ESR2: variants seen among roughly 807,000 people sequenced by gnomAD.
ESR2 encodes estrogen receptor 2.
Under a neutral mutation model 49.6 loss-of-function variants are expected in ESR2, and 36 were observed. The ratio of observed to expected loss-of-function variants is 0.73; its 90% confidence interval spans 0.56 to 0.96. ESR2 has a LOEUF of 0.96. Among genes scored for constraint, ESR2 ranks in the 40% least tolerant of loss-of-function variants. The pLI is 0.00. For synonymous variants in ESR2, 320 were observed against 266.1 expected, an observed-to-expected ratio of 1.20 and a Z score of -1.97; for missense variants, 714 against 693.0, an observed-to-expected ratio of 1.03 and a Z score of -0.34.
intron 3 of ESR2, among the ~76,000 whole-genome samples, chr14:64,273,144 T>C (rs1430532632): frequency 6.6e-6 from 1 of 152,160 alleles, no homozygotes; most frequent in Non-Finnish European, 1.5e-5. Flanking sequence ...TTTTTTCAGA[T>C]TGTTTGCTGT....
rs2098724604 is a variant in ESR2 at position 64,228,693 on chromosome 14, CG to C, written c.*4443del. Among the ~76,000 whole-genome samples, 1 of 152,160 alleles carries C rather than the reference CG, an allele frequency of 6.6e-6. No individual in the cohort carries two copies. The highest frequency in any genetic ancestry group is 2.1e-4 in the South Asian group (1 of 4,828). On this transcript the variant is annotated 3_prime_UTR_variant, in exon 9 of 9. Coordinates refer to ENST00000341099, the MANE Select transcript of ESR2 (RefSeq NM_001437.3). Reference sequence around the variant, plus strand: ...TTGTACAGTTAACAGGAACTGTTCGCGGCTGGTATCACCACTCCTTATGTGC... The same window carrying C: ...TTGTACAGTTAACAGGAACTGTTCGCGCTGGTATCACCACTCCTTATGTGC...
chr14:64,318,363 C>G (rs774945169), intron 1 of ESR2, among the ~76,000 whole-genome samples: 1 of 151,010 alleles, frequency 6.6e-6, no homozygotes, highest in African/African-American at 2.4e-5. Context: ...ATAGTAAAAC[C>G]CTGTCTCTAC....
At chr14:64,242,146 A>G (rs774169500) in intron 7 of ESR2, among the ~76,000 whole-genome samples, 8 of 152,180 alleles carry the variant, frequency 5.3e-5, no homozygotes, top group Non-Finnish European at 8.8e-5. Context: ...GCAGTGGCTC[A>G]CACCTGTAAT....
At chr14:64,274,304 G>T (rs1410024051) in intron 3 of ESR2, among the ~76,000 whole-genome samples, 1 of 151,990 alleles carries the variant, frequency 6.6e-6, no homozygotes, top group African/African-American at 2.4e-5. Context: ...GGTATGTTCA[G>T]GTTTCGGATT....
rs918353254 is a variant in ESR2 at position 64,231,215 on chromosome 14, G to T, written c.*1922C>A. On this transcript the variant is annotated 3_prime_UTR_variant, in exon 9 of 9. Transcript: ENST00000341099. ...TGGTTTTTTATGTTTTTGTTACCTG[G>T]TAATCTCTTTTAAAAATACATTTAA... 5 of 152,048 alleles carry T rather than the reference G, an allele frequency of 3.3e-5. No individual in the cohort carries two copies. Among genetic ancestry groups the T allele is most frequent in the Non-Finnish European group, 5.9e-5 (4 of 68,026 alleles). 9.4% of individuals were successfully genotyped at this position (152,048 alleles called of 1,614,324 possible).
chr14:64,263,487 T>A (rs1038788874), intron 4 of ESR2, among the ~76,000 whole-genome samples: 1 of 151,928 alleles, frequency 6.6e-6, no homozygotes, highest in Admixed American at 6.6e-5. Flanking sequence ...AAAAACCCCA[T>A]CTCTACTACA....
chr14:64,314,511 A>G (rs1455813312), intron 1 of ESR2, among the ~76,000 whole-genome samples: 1 of 151,718 alleles, frequency 6.6e-6, no homozygotes, highest in Admixed American at 6.6e-5. Context: ...AAAAATAAGA[A>G]CAAAATTGAT....
At chr14:64,335,341 C>G (rs1220328858) in intron 1 of ESR2, among the ~76,000 whole-genome samples, 1 of 152,124 alleles carries the variant, frequency 6.6e-6, no homozygotes, top group East Asian at 1.9e-4. Context: ...GCTGCTATAA[C>G]AAAATATTAA....
chr14:64,257,069 C>T (rs948762420), intron 6 of ESR2, among the ~76,000 whole-genome samples, 157 bp downstream of exon 6: 1 of 152,194 alleles, frequency 6.6e-6, no homozygotes, highest in African/African-American at 2.4e-5. Flanking sequence ...CAACTCTCTC[C>T]TTCTCTGGTT....
At chr14:64,315,017 C>T (rs1034546082) in intron 1 of ESR2, among the ~76,000 whole-genome samples, 3 of 150,834 alleles carry the variant, frequency 2.0e-5, no homozygotes, top group African/African-American at 4.9e-5. Flanking sequence ...GAGGCCAAGG[C>T]GGGCAGATCT....
chr14:64,235,263 C>G, intron 7 of ESR2, 113 bp from the exon 8 acceptor site: 1 of 1,080,362 alleles, frequency 9.3e-7, no homozygotes, highest in Admixed American at 2.2e-5. Flanking sequence ...TTGACAGCTG[C>G]ATGTGTGGCA....
intron 2 of ESR2, among the ~76,000 whole-genome samples, chr14:64,282,344 C>CA (rs1303560622): frequency 1.3e-5 from 2 of 151,374 alleles, no homozygotes; most frequent in Admixed American, 1.3e-4. Flanking sequence ...GACCCTGTCT[C>CA]AAAAAAAGAA....
chr14:64,305,491 A>G (rs1015692809), intron 1 of ESR2, among the ~76,000 whole-genome samples: 3 of 151,382 alleles, frequency 2.0e-5, no homozygotes, highest in Non-Finnish European at 4.4e-5. Context: ...TAACACAGTG[A>G]AACCCCATCT....
chr14:64,331,822 CAAAAAAAAAA>C (rs368932180), intron 1 of ESR2, among the ~76,000 whole-genome samples: 3 of 52,418 alleles, frequency 5.7e-5, no homozygotes, highest in Non-Finnish European at 1.2e-4. Context: ...GACTCCATCT[CAAAAAAAAAA>C]AAAAAAAAAA....
chr14:64,238,560 A>T (rs1232052344), intron 7 of ESR2, among the ~76,000 whole-genome samples: 1 of 152,010 alleles, frequency 6.6e-6, no homozygotes, highest in South Asian at 2.1e-4. Context: ...TCAAATACAT[A>T]TCTACAGAGT....
chr14:64,261,226 A>C lies in ESR2; in HGVS notation c.653-478T>G, dbSNP rs145562989. Among the ~76,000 whole-genome samples, 334 of 70,754 alleles carry C rather than the reference A, an allele frequency of 4.7e-3. 3 individuals carry two copies. The highest frequency in any genetic ancestry group is 0.02 in the African/African-American group (291 of 14,594). The allele number at this position is 70,754 out of a possible 152,430, so 46.4% of individuals were successfully genotyped here. On this transcript the variant is annotated intron_variant, in intron 4 of 8. Transcript: ENST00000341099. ...CTCTTTCAGTCTTTTTAATGCTTTTATTTTTCTTTTTTCTTTTTTTTTTTT... is the reference window on the plus strand; with the variant it reads ...CTCTTTCAGTCTTTTTAATGCTTTTCTTTTTCTTTTTTCTTTTTTTTTTTT...
chr14:64,242,409 A>AAAAAAAAC (rs2075747289), intron 7 of ESR2, among the ~76,000 whole-genome samples: 1 of 132,474 alleles, frequency 7.5e-6, no homozygotes, highest in Admixed American at 7.4e-5. Flanking sequence ...CTGTCTCAAA[A>AAAAAAAAC]AAAAAAAACA....
rs1437918281 is a variant in ESR2 at position 64,233,170 on chromosome 14, G to A, written c.1560C>T (p.Ser520=). The A allele has an allele frequency of 6.2e-7, 1 of 1,614,034 alleles. No homozygotes were observed. Among genetic ancestry groups the A allele is most frequent in the Non-Finnish European group, 8.5e-7 (1 of 1,179,918 alleles). ...SECSPAEDSK[S]KEGSQNPQSQ is the part of the protein sequence containing the mutation. ...ACTGTGGGTTCTGGGAGCCCTCTTT[G>A]CTTTTACTGTCCTCTGCCGGGCTGC... Residue 520 remains serine (S), a synonymous_variant, in exon 9 of 9, where the codon AGC becomes AGT. Transcript: ENST00000341099.
Position 64,258,496 on chromosome 14 carries a change from C to A in ESR2, c.953-1132G>T, listed in dbSNP as rs536465846. 3.9e-5 allele frequency among the ~76,000 whole-genome samples: 6 copies of A among 152,308 alleles called. 1 individual carries two copies. The South Asian group carries it at 1.2e-3, about 32-fold the overall frequency. ...CTTTCTAGCTGTTCACTTAATCTCC[C>A]ATTAAGTCTTTGTTTTTCTTATAGG... is the stretch of plus-strand genomic sequence containing the variant. On this transcript the variant is annotated intron_variant, in intron 5 of 8. Coordinates refer to ENST00000341099, the MANE Select transcript of ESR2 (RefSeq NM_001437.3).
Sources: allele counts gnomAD v4.1 joint callset (sites outside exome capture counted in the v4.1 genomes callset), GRCh38; gene constraint gnomAD v4.1.1; transcripts MANE v1.5; gene names NCBI Gene and HGNC (gene_info 2026-07-23, HGNC 2026-07-21).